Variants in SIK2 observed in about 807,000 individuals in gnomAD.
SIK2 encodes salt inducible kinase 2, also known as serine/threonine-protein kinase SIK2.
In SIK2, 29 loss-of-function variants were observed where a neutral mutation model predicts 103.2. The ratio of observed to expected loss-of-function variants is 0.28; its 90% confidence interval spans 0.21 to 0.38. The LOEUF is 0.38. Ranked by LOEUF, SIK2 falls within the 10% of genes least tolerant of loss-of-function variation. SIK2 has a pLI of 1.00. For synonymous variants in SIK2, 412 were observed against 446.1 expected (o/e 0.92, Z 0.96); for missense variants, 879 against 1,171.0 (o/e 0.75, Z 3.64).
At chr11:111,675,967 A>G (rs923860737) in intron 3 of SIK2, among the ~76,000 whole-genome samples, 21 of 152,230 alleles carry the variant, frequency 1.4e-4, no homozygotes, top group East Asian at 5.8e-4. Context: ...TGTGTACTCA[A>G]TGTTACTCAG....
chr11:111,724,444 T>G lies in SIK2; in HGVS notation c.*315T>G. The G allele has an allele frequency of 2.9e-6, 1 of 345,520 alleles. No individual in the cohort carries two copies. The highest frequency in any genetic ancestry group is 5.4e-6 in the Non-Finnish European group (1 of 186,086). The allele number at this position is 345,520 out of a possible 1,614,324, so 21.4% of individuals were successfully genotyped here. On this transcript the variant is annotated 3_prime_UTR_variant, in exon 15 of 15. Transcript: ENST00000304987. Reference sequence around the variant, plus strand: ...TAAGAAGACATTCAGACCCAGGTGTTATGCAGGATTACATCCGTTTATTAT... The same window carrying G: ...TAAGAAGACATTCAGACCCAGGTGTGATGCAGGATTACATCCGTTTATTAT...
At chr11:111,662,458 G>A (rs1942479437) in intron 3 of SIK2, among the ~76,000 whole-genome samples, 1 of 152,058 alleles carries the variant, frequency 6.6e-6, no homozygotes, top group Admixed American at 6.5e-5. Context: ...AAACAGAGCA[G>A]GGTAAAGGGG....
rs1189297730 is a variant in SIK2, at chr11:111,720,704, C to T, written c.1722C>T (p.Asn574=). 1 of 1,612,894 alleles carries T rather than the reference C, an allele frequency of 6.2e-7. No individual in the cohort carries two copies. Among genetic ancestry groups the T allele is most frequent in the Non-Finnish European group, 8.5e-7 (1 of 1,179,476 alleles). Residue 574 remains asparagine, a synonymous_variant, in exon 11 of 15, where the codon AAC becomes AAT. Transcript: ENST00000304987. ...ALSSQKREVH[N]RSPVSFREGR... The stretch of plus-strand genomic sequence containing the variant: ...GCTCCCAGAAACGAGAGGTCCACAA[C>T]AGGTCTCCAGTGAGCTTCAGAGAGG...
chr11:111,727,238 A>C lies in SIK2; in HGVS notation c.*3109A>C. 1.6e-6 allele frequency: 1 copy of C among 618,156 alleles called. No individual in the cohort carries two copies. The highest frequency in any genetic ancestry group is 2.7e-5 in the East Asian group (1 of 36,450). 38.3% of individuals were successfully genotyped at this position (618,156 alleles called of 1,614,324 possible). On this transcript the variant is annotated 3_prime_UTR_variant, in exon 15 of 15. Transcript: ENST00000304987. ...CACCTTGAGAATCCCTGCGTGGGAGAGCATCAGGGCCCACCAGGGGAGTGG... is the reference window on the plus strand; with the variant it reads ...CACCTTGAGAATCCCTGCGTGGGAGCGCATCAGGGCCCACCAGGGGAGTGG...
intron 3 of SIK2, among the ~76,000 whole-genome samples, chr11:111,660,839 C>CTTTTTTTTTTTTTTTTTTTTTTTTT (rs57174726): frequency 1.1e-5 from 1 of 90,398 alleles, no homozygotes; most frequent in Non-Finnish European, 2.0e-5. Flanking sequence ...GTGAAGTTGG[C>CTTTTTTTTTTTTTTTTTTTTTTTTT]TTTTTTTTTT....
rs1944101023 is a variant in SIK2, at chr11:111,729,276, T to TA, written c.*5148dup. On this transcript the variant is annotated 3_prime_UTR_variant, in exon 15 of 15. Transcript: ENST00000304987. ...ACTCAGGCACACACTGGGGCACAGA[T>TA]AGAGAACCAGGCGGCAGCAGTGCTC... is the stretch of plus-strand genomic sequence containing the variant. 1 of 152,288 alleles carries TA rather than the reference T, an allele frequency of 6.6e-6. No individual in the cohort carries two copies. Among genetic ancestry groups the TA allele is most frequent in the Admixed American group, 6.5e-5 (1 of 15,278 alleles). 9.4% of individuals were successfully genotyped at this position (152,288 alleles called of 1,614,324 possible).
intron 4 of SIK2, among the ~76,000 whole-genome samples, chr11:111,700,470 G>A (rs1253959718): frequency 6.6e-6 from 1 of 152,162 alleles, no homozygotes; most frequent in Admixed American, 6.5e-5. Context: ...TTGTGTTTAG[G>A]TGAATGTCTT....
At chr11:111,703,111 T>C in intron 6 of SIK2, 92 bp from the exon 7 acceptor site, 1 of 1,112,026 alleles carries the variant, frequency 9.0e-7, no homozygotes, top group Non-Finnish European at 1.3e-6. Context: ...ATACAAAGAT[T>C]AACACCCTTG....
At chr11:111,689,667 A>C (rs372838186) in intron 4 of SIK2, among the ~76,000 whole-genome samples, 3 of 152,232 alleles carry the variant, frequency 2.0e-5, no homozygotes, top group African/African-American at 7.2e-5. Context: ...TTGGATACTC[A>C]TTGAACTTAG....
chr11:111,645,867 G>A (rs1051288765), intron 3 of SIK2, among the ~76,000 whole-genome samples: 3 of 152,034 alleles, frequency 2.0e-5, no homozygotes, highest in South Asian at 2.1e-4. Context: ...CTGTGGGGGC[G>A]AGAGGGAGGA....
Position 111,729,541 on chromosome 11 carries a change from T to G in SIK2, c.*5412T>G, listed in dbSNP as rs1220381598. The stretch of plus-strand genomic sequence containing the variant: ...GATCACAGCTGGTGATAGAAGGAGC[T>G]GGGACACGCGCTTGGGTTGACTGGC... On this transcript the variant is annotated 3_prime_UTR_variant, in exon 15 of 15. Coordinates refer to ENST00000304987, the MANE Select transcript of SIK2 (RefSeq NM_015191.3). The G allele has an allele frequency of 6.6e-6, 1 of 152,276 alleles. No homozygotes were observed. Among genetic ancestry groups the G allele is most frequent in the East Asian group, 1.9e-4 (1 of 5,204 alleles). The allele number at this position is 152,276 out of a possible 1,614,324, so 9.4% of individuals were successfully genotyped here. A position where few individuals can be genotyped will look rare whatever the true frequency, so the allele number is the denominator to read the frequency against.
intron 3 of SIK2, among the ~76,000 whole-genome samples, chr11:111,640,233 G>A (rs1037594800): frequency 6.6e-6 from 1 of 152,092 alleles, no homozygotes; most frequent in African/African-American, 2.4e-5. Flanking sequence ...AATATTCCCA[G>A]TTGCTAGTCC....
chr11:111,616,528 A>G (rs1168307875), intron 2 of SIK2, among the ~76,000 whole-genome samples, 169 bp downstream of exon 2: 1 of 152,232 alleles, frequency 6.6e-6, no homozygotes, highest in Non-Finnish European at 1.5e-5. Flanking sequence ...CTTAAAAATC[A>G]GAAATCTTAA....
At chr11:111,618,434 A>G (rs1465455812) in intron 2 of SIK2, among the ~76,000 whole-genome samples, 3 of 152,234 alleles carry the variant, frequency 2.0e-5, no homozygotes, top group Non-Finnish European at 4.4e-5. Context: ...ATGCCTCCTG[A>G]GAATGAGAGA....
chr11:111,700,424 G>T (rs187621038), intron 4 of SIK2, among the ~76,000 whole-genome samples: 54 of 152,260 alleles, frequency 3.5e-4, no homozygotes, highest in African/African-American at 1.3e-3. Context: ...GCCTTCAAGG[G>T]TTATATATCT....
chr11:111,614,616 G>A (rs1941778718), intron 1 of SIK2, among the ~76,000 whole-genome samples: 1 of 152,182 alleles, frequency 6.6e-6, no homozygotes, highest in Admixed American at 6.5e-5. Context: ...CACATTGAGT[G>A]GGCTGAGGAG....
Position 111,725,050 on chromosome 11 carries a change from A to C in SIK2, c.*921A>C, listed in dbSNP as rs1484168659. ...GATGTAATAACTACTTTGACCTTACACTATATGTTGCTAGTAGTTTATTGA... is the reference window on the plus strand; with the variant it reads ...GATGTAATAACTACTTTGACCTTACCCTATATGTTGCTAGTAGTTTATTGA... On this transcript the variant is annotated 3_prime_UTR_variant, in exon 15 of 15. Transcript: ENST00000304987. 1 of 152,580 alleles carries C rather than the reference A, an allele frequency of 6.6e-6. No homozygotes were observed. Among genetic ancestry groups the C allele is most frequent in the Non-Finnish European group, 1.5e-5 (1 of 68,026 alleles). 9.5% of individuals were successfully genotyped at this position (152,580 alleles called of 1,614,324 possible).
chr11:111,708,385 A>T (rs10789844), intron 8 of SIK2, among the ~76,000 whole-genome samples: 87,259 of 151,994 alleles, frequency 0.57, 29,136 homozygotes, highest in East Asian at 0.87. Flanking sequence ...CTGTCCCAAA[A>T]AGTAAAACAT....
intron 9 of SIK2, among the ~76,000 whole-genome samples, chr11:111,713,507 G>A (rs1943557534): frequency 6.6e-6 from 1 of 152,114 alleles, no homozygotes; most frequent in Admixed American, 6.5e-5. Context: ...TGTGAGGTTT[G>A]GGACAGATTA....
Sources: allele counts gnomAD v4.1 joint callset (sites outside exome capture counted in the v4.1 genomes callset), GRCh38; gene constraint gnomAD v4.1.1; transcripts MANE v1.5; gene names NCBI Gene and HGNC (gene_info 2026-07-23, HGNC 2026-07-21).